Variants in CNIH3 observed in about 807,000 individuals in gnomAD.
CNIH3 encodes the protein protein cornichon homolog 3.
Under a neutral mutation model 24.1 loss-of-function variants are expected in CNIH3, and 14 were observed. That is an observed-to-expected ratio of 0.58 (90% CI 0.38 to 0.91). The LOEUF (loss-of-function observed/expected upper bound fraction) is 0.91. Among genes scored for constraint, CNIH3 ranks in the 40% least tolerant of loss-of-function variants. The pLI is 0.00. For synonymous variants in CNIH3, 68 were observed against 73.8 expected (o/e 0.92, Z 0.40); for missense variants, 178 against 196.8 (o/e 0.90, Z 0.57).
At chr1:224,728,968 G>T (rs998908544) in intron 3 of CNIH3, among the ~76,000 whole-genome samples, 8 of 152,194 alleles carry the variant, frequency 5.3e-5, no homozygotes, top group Admixed American at 2.6e-4. Flanking sequence ...GAATCTATCT[G>T]TATTGGAAGG....
At chr1:224,651,925 A>G (rs1309832715) in intron 1 of CNIH3, among the ~76,000 whole-genome samples, 1 of 152,116 alleles carries the variant, frequency 6.6e-6, no homozygotes, top group Admixed American at 6.5e-5. Flanking sequence ...ATCAGTTCAC[A>G]TTTTCACCAG....
intron 1 of CNIH3, among the ~76,000 whole-genome samples, chr1:224,471,735 A>G (rs979329838): frequency 2.0e-5 from 3 of 151,882 alleles, no homozygotes; most frequent in Non-Finnish European, 4.4e-5. Flanking sequence ...GACTACGGGT[A>G]CCTGCCACCA....
intron 3 of CNIH3, among the ~76,000 whole-genome samples, chr1:224,707,037 C>T (rs191553855): frequency 2.8e-4 from 40 of 141,292 alleles, no homozygotes; most frequent in Admixed American, 2.6e-3. Context: ...GATCTTTGCT[C>T]ACTGCAACCT....
chr1:224,723,147 A>G (rs1457856092), intron 3 of CNIH3, among the ~76,000 whole-genome samples: 2 of 152,182 alleles, frequency 1.3e-5, no homozygotes, highest in African/African-American at 4.8e-5. Context: ...AGGGTCAGGC[A>G]GCTCCCAGGG....
At chr1:224,500,356 GC>G (rs1170361666) in intron 1 of CNIH3, among the ~76,000 whole-genome samples, 2 of 152,040 alleles carry the variant, frequency 1.3e-5, no homozygotes, top group Non-Finnish European at 2.9e-5. Context: ...GTTGCCAGCA[GC>G]CTTCATCTCA....
chr1:224,546,229 T>TG (rs1352146946), intron 2 of CNIH3, among the ~76,000 whole-genome samples: 1 of 152,224 alleles, frequency 6.6e-6, no homozygotes, highest in African/African-American at 2.4e-5. Context: ...ACAACTTTTA[T>TG]GGAAGTTTTT....
intron 1 of CNIH3, among the ~76,000 whole-genome samples, chr1:224,619,985 A>G (rs1020227975): frequency 6.6e-6 from 1 of 152,222 alleles, no homozygotes; most frequent in Non-Finnish European, 1.5e-5. Context: ...TCTCAGTCCA[A>G]TCGTTTTCCT....
chr1:224,621,762 T>A (rs1237403034), intron 1 of CNIH3, among the ~76,000 whole-genome samples: 1 of 152,230 alleles, frequency 6.6e-6, no homozygotes, highest in Non-Finnish European at 1.5e-5. Context: ...AAATTCTTGT[T>A]TCCTTCTGGC....
In CNIH3 at chr1:224,458,589, T is replaced by A. The variant is rs1214093158; in HGVS notation, n.203+23727T>A. Among the ~76,000 whole-genome samples the A allele has an allele frequency of 6.6e-6, 1 of 152,310 alleles. No individual in the cohort carries two copies. The highest frequency in any genetic ancestry group is 1.9e-4 in the East Asian group (1 of 5,186). On this transcript the variant is annotated intron_variant and non_coding_transcript_variant, in intron 1 of 5. Coordinates refer to the CNIH3 transcript ENST00000471578. This position sits in a 1 kb window ranked among gnomAD's most constrained non-coding sequence, Gnocchi z 4.3. ...TTACTGTCTGATTCCAACCTTCCAC[T>A]GTTGAACAGACCTCCTACCACTTTC...
intron 1 of CNIH3, among the ~76,000 whole-genome samples, chr1:224,653,982 G>T (rs1168353739): frequency 2.0e-5 from 3 of 152,112 alleles, no homozygotes; most frequent in Admixed American, 6.5e-5. Context: ...TGGGGAGGCT[G>T]AGGCGAGAGG....
intron 1 of CNIH3, among the ~76,000 whole-genome samples, chr1:224,461,316 T>A (rs1675904993): frequency 6.6e-6 from 1 of 152,218 alleles, no homozygotes; most frequent in African/African-American, 2.4e-5. Flanking sequence ...ATTGTATATT[T>A]TAAACAAAGG....
At chr1:224,727,289 A>G (rs1176290136) in intron 3 of CNIH3, among the ~76,000 whole-genome samples, 1 of 152,220 alleles carries the variant, frequency 6.6e-6, no homozygotes, top group African/African-American at 2.4e-5. Flanking sequence ...AACAACAACA[A>G]CAACAACAAC....
chr1:224,487,983 G>A (rs1677093320), intron 1 of CNIH3, among the ~76,000 whole-genome samples: 1 of 151,914 alleles, frequency 6.6e-6, no homozygotes, highest in South Asian at 2.1e-4. Flanking sequence ...ATTAAGCACA[G>A]GGCATGTTTG....
At position 224,730,485 on chromosome 1, in the gene CNIH3, C is replaced by G; in HGVS notation, c.222C>G (p.Ile74Met). 6.4e-7 allele frequency: 1 copy of G among 1,559,490 alleles called. No individual in the cohort carries two copies. The highest frequency in any genetic ancestry group is 8.7e-7 in the Non-Finnish European group (1 of 1,150,190). ...AGCTGGTGCTGCCAGAATACTCCAT[C>G]CATAGCCTCTTCTGCATTATGTTCC... ...LRKLVLPEYS[I>M]HSLFCIMFLC... Residue 74 changes from isoleucine to methionine, a missense_variant, in exon 4 of 6, where the codon ATC (isoleucine) becomes ATG (methionine). Physicochemically the swap from Ile to Met is conservative, Grantham distance 10. Transcript: ENST00000272133.
intron 3 of CNIH3, among the ~76,000 whole-genome samples, chr1:224,690,500 C>T (rs979595432): frequency 6.6e-6 from 1 of 152,128 alleles, no homozygotes; most frequent in East Asian, 1.9e-4. Context: ...GGCACCCGGC[C>T]CCTTAGATCA....
intron 2 of CNIH3, among the ~76,000 whole-genome samples, chr1:224,535,334 C>T (rs1376522060): frequency 2.0e-5 from 3 of 152,082 alleles, no homozygotes; most frequent in African/African-American, 4.8e-5. Context: ...GTGAGGAAGG[C>T]TCCTCCCCTG....
intron 1 of CNIH3, among the ~76,000 whole-genome samples, chr1:224,441,005 A>G (rs1307264728): frequency 1.3e-5 from 2 of 151,930 alleles, no homozygotes; most frequent in East Asian, 3.9e-4. Context: ...TTTAGTAGAG[A>G]CAGGGTTTCA....
At chr1:224,719,221 T>C (rs1688588958) in intron 3 of CNIH3, 2 of 152,166 alleles carry the variant, frequency 1.3e-5, no homozygotes, top group Admixed American at 1.3e-4. Flanking sequence ...GACAAACCAA[T>C]GGCACAGACA....
intron 3 of CNIH3, among the ~76,000 whole-genome samples, chr1:224,715,858 G>A (rs1688402394): frequency 6.6e-6 from 1 of 152,160 alleles, no homozygotes; most frequent in South Asian, 2.1e-4. Context: ...CCACTTCCCA[G>A]TACCGCCACA....
Sources: gnomAD v4.1 joint callset for allele counts (sites outside exome capture counted in the v4.1 genomes callset) on GRCh38, gnomAD v4.1.1 for gene constraint, Gnocchi (gnomAD v3.1) non-coding constraint, MANE v1.5 for transcripts, NCBI Gene and HGNC (gene_info 2026-07-23, HGNC 2026-07-21) for gene names.